Variants in BRAF observed in about 807,000 individuals in gnomAD.
BRAF encodes the protein B-Raf proto-oncogene, serine/threonine kinase.
A neutral mutation model predicts 104.6 loss-of-function variants in BRAF; 16 were observed. The ratio of observed to expected loss-of-function variants is 0.15; its 90% confidence interval spans 0.10 to 0.23. The LOEUF (loss-of-function observed/expected upper bound fraction) is 0.23. Ranked by LOEUF, BRAF falls within the 10% of genes least tolerant of loss-of-function variation. The pLI is 1.00. For synonymous variants in BRAF, 310 were observed against 341.6 expected (o/e 0.91, Z 1.02); for missense variants, 541 against 937.3 (o/e 0.58, Z 5.52).
chr7:140,764,709 G>C (rs62487912), intron 14 of BRAF, among the ~76,000 whole-genome samples: 20,968 of 152,134 alleles, frequency 0.14, 2,193 homozygotes, highest in African/African-American at 0.3. Context: ...TTGCTTCAAA[G>C]AGAATAAAAT....
chr7:140,916,059 T>TA (rs1817601878), intron 1 of BRAF, among the ~76,000 whole-genome samples: 2 of 152,196 alleles, frequency 1.3e-5, no homozygotes, highest in Admixed American at 1.3e-4. Context: ...ACTGGAACGA[T>TA]ACTCCTTGCA....
At chr7:140,831,162 G>C (rs1806697548) in intron 3 of BRAF, among the ~76,000 whole-genome samples, 1 of 152,278 alleles carries the variant, frequency 6.6e-6, no homozygotes, top group East Asian at 1.9e-4. Flanking sequence ...CAATTGGGTG[G>C]AGAACCCAGT....
At chr7:140,773,692 G>C (rs1800059174) in intron 14 of BRAF, among the ~76,000 whole-genome samples, 4 of 152,168 alleles carry the variant, frequency 2.6e-5, no homozygotes, top group African/African-American at 9.7e-5. Context: ...TTTTCAAACA[G>C]GCCTTTCATT....
At chr7:140,922,876 G>T (rs546288178) in intron 1 of BRAF, among the ~76,000 whole-genome samples, 74 of 152,302 alleles carry the variant, frequency 4.9e-4, no homozygotes, top group Admixed American at 4.8e-3. Context: ...AAGGCAAAAT[G>T]AATGGTAACT....
chr7:140,890,342 A>G (rs1814083232), intron 1 of BRAF, among the ~76,000 whole-genome samples: 1 of 152,212 alleles, frequency 6.6e-6, no homozygotes, highest in Non-Finnish European at 1.5e-5. Context: ...TATCTTTTAA[A>G]CACCTAATGA....
At chr7:140,731,671 G>C (rs1246514297) in intron 19 of BRAF, 1 of 152,116 alleles carries the variant, frequency 6.6e-6, no homozygotes, top group South Asian at 2.1e-4. Flanking sequence ...TATGCCATCC[G>C]AGGGGCAGGA....
Position 140,725,298 on chromosome 7 carries a change from T to C in BRAF, c.*1196A>G. The C allele has an allele frequency of 9.7e-7, 1 of 1,035,006 alleles. No homozygotes were observed. The highest frequency in any genetic ancestry group is 1.7e-5 in the African/African-American group (1 of 59,816). 64.1% of individuals were successfully genotyped at this position (1,035,006 alleles called of 1,614,324 possible). On this transcript the variant is annotated 3_prime_UTR_variant, in exon 20 of 20. Transcript: ENST00000644969. ...CAGCAAGTACCATTAATTGAAAAAT[T>C]ATAAATATTTGTCATTATGCTAAGA...
At chr7:140,868,341 C>T (rs541962934) in intron 1 of BRAF, among the ~76,000 whole-genome samples, 4 of 152,278 alleles carry the variant, frequency 2.6e-5, no homozygotes, top group Non-Finnish European at 4.4e-5. Flanking sequence ...AAACATTCAT[C>T]AGCTGATGAA....
At chr7:140,775,055 A>G (rs1055858366) in intron 14 of BRAF, among the ~76,000 whole-genome samples, 11 of 152,328 alleles carry the variant, frequency 7.2e-5, no homozygotes, top group African/African-American at 2.6e-4. Context: ...TGCGTTATAA[A>G]GAAAATCAAG....
At chr7:140,788,929 C>A (rs921050532) in intron 8 of BRAF, among the ~76,000 whole-genome samples, 1 of 151,334 alleles carries the variant, frequency 6.6e-6, no homozygotes, top group South Asian at 2.1e-4. Flanking sequence ...GCTCTTTATG[C>A]GCCGGGTGCG....
chr7:140,725,282 C>T lies in BRAF; in HGVS notation c.*1212G>A, dbSNP rs1443179178. Reference sequence around the variant, plus strand: ...GATGTTAGTGTGGATCCAGCAAGTACCATTAATTGAAAAATTATAAATATT... The same window carrying T: ...GATGTTAGTGTGGATCCAGCAAGTATCATTAATTGAAAAATTATAAATATT... On this transcript the variant is annotated 3_prime_UTR_variant, in exon 20 of 20. Transcript: ENST00000644969. 1 of 1,040,054 alleles carries T rather than the reference C, an allele frequency of 9.6e-7. No homozygotes were observed. Among genetic ancestry groups the T allele is most frequent in the African/African-American group, 1.7e-5 (1 of 59,844 alleles). 64.4% of individuals were successfully genotyped at this position (1,040,054 alleles called of 1,614,324 possible). A position where few individuals can be genotyped will look rare whatever the true frequency, so the allele number is the denominator to read the frequency against.
intron 1 of BRAF, among the ~76,000 whole-genome samples, chr7:140,897,076 A>G (rs1449249905): frequency 2.0e-5 from 3 of 150,334 alleles, no homozygotes; most frequent in Non-Finnish European, 4.4e-5. Flanking sequence ...TTTTTTTTTA[A>G]CCAAATACCT....
At chr7:140,895,817 C>A (rs1042387269) in intron 1 of BRAF, among the ~76,000 whole-genome samples, 6 of 152,128 alleles carry the variant, frequency 3.9e-5, no homozygotes, top group Non-Finnish European at 8.8e-5. Context: ...ATTGTCTTTA[C>A]CCAATCTTCT....
intron 3 of BRAF, among the ~76,000 whole-genome samples, chr7:140,821,395 G>A (rs1430224791): frequency 6.6e-6 from 1 of 150,962 alleles, no homozygotes; most frequent in Admixed American, 6.6e-5. Context: ...TGCCTCCCAG[G>A]GTCAAGCAAT....
chr7:140,727,053 C>CA (rs1455130966), intron 19 of BRAF, among the ~76,000 whole-genome samples: 1 of 152,076 alleles, frequency 6.6e-6, no homozygotes, highest in Admixed American at 6.5e-5. Context: ...TTCAATCTAA[C>CA]AAAAAATTAA....
intron 1 of BRAF, among the ~76,000 whole-genome samples, chr7:140,912,994 A>C (rs1241034967): frequency 6.6e-6 from 1 of 152,242 alleles, no homozygotes; most frequent in African/African-American, 2.4e-5. Flanking sequence ...TGTTTCTTAA[A>C]TAGGCAAGGC....
chr7:140,924,130 T>C lies in BRAF; in HGVS notation c.138+436A>G, dbSNP rs548175241. Among the ~76,000 whole-genome samples, 4 of 152,154 alleles carry C rather than the reference T, an allele frequency of 2.6e-5. No individual in the cohort carries two copies. The highest frequency in any genetic ancestry group is 6.5e-5 in the Admixed American group (1 of 15,288). The stretch of plus-strand genomic sequence containing the variant: ...ATGAGCCCCATCATCCCCACGACCA[T>C]GTAAGAATTACACGCGACAGTAACT... On this transcript the variant is annotated intron_variant, in intron 1 of 19. Transcript: ENST00000644969. This position sits in a 1 kb window ranked among gnomAD's most constrained non-coding sequence, Gnocchi z 4.2.
chr7:140,855,130 A>G (rs1369900753), intron 1 of BRAF, among the ~76,000 whole-genome samples: 2 of 152,172 alleles, frequency 1.3e-5, no homozygotes, highest in Admixed American at 6.5e-5. Context: ...GTCTTTCAGA[A>G]TCTCCAGAAG....
At chr7:140,908,322 C>A (rs895607430) in intron 1 of BRAF, among the ~76,000 whole-genome samples, 16 of 152,150 alleles carry the variant, frequency 1.1e-4, no homozygotes, top group African/African-American at 3.9e-4. Context: ...TATTATATAT[C>A]TCTCAGGTAA....
Sources: gnomAD v4.1 joint callset for allele counts (sites outside exome capture counted in the v4.1 genomes callset) on GRCh38, gnomAD v4.1.1 for gene constraint, Gnocchi (gnomAD v3.1) non-coding constraint, MANE v1.5 for transcripts, NCBI Gene and HGNC (gene_info 2026-07-23, HGNC 2026-07-21) for gene names.